Variants in RUVBL2 observed in about 807,000 individuals in gnomAD.
RUVBL2 encodes the protein ruvB-like 2.
RUVBL2 carries 9 observed loss-of-function variants against 57.9 expected under a neutral mutation model. The ratio of observed to expected loss-of-function variants is 0.16; its 90% CI spans 0.09 to 0.27. The LOEUF is 0.27. Ranked by LOEUF, RUVBL2 falls within the 10% of genes least tolerant of loss-of-function variation. The pLI is 1.00. For missense variants in RUVBL2, 456 were observed against 669.6 expected, an observed-to-expected ratio of 0.68 and a Z score of 3.52; for synonymous variants, 278 against 264.6, an observed-to-expected ratio of 1.05 and a Z score of -0.49.
intron 3 of RUVBL2, among the ~76,000 whole-genome samples, chr19:49,004,005 A>G (rs2039233720): frequency 6.6e-6 from 1 of 150,410 alleles, no homozygotes; most frequent in African/African-American, 2.5e-5. Context: ...GGTCCCAGCT[A>G]CTCAAGAGGC....
chr19:48,996,692 A>AT (rs1395060133), intron 1 of RUVBL2, among the ~76,000 whole-genome samples: 1 of 152,022 alleles, frequency 6.6e-6, no homozygotes, highest in East Asian at 1.9e-4. Flanking sequence ...CGCCTGGCTA[A>AT]TTTTTTGTAT....
At chr19:49,006,928 G>A in intron 4 of RUVBL2, 90 bp from the exon 5 acceptor site, 2 of 1,536,904 alleles carry the variant, frequency 1.3e-6, no homozygotes, top group Non-Finnish European at 1.8e-6. Flanking sequence ...CCTCTTTCCT[G>A]GGGTGGGAGA....
chr19:49,015,560 C>A lies in RUVBL2; in HGVS notation c.1252-12C>A. 1 of 1,603,980 alleles carries A rather than the reference C, an allele frequency of 6.2e-7. No homozygotes were observed. ...AGAGGGGCCCAACTGAGGACTCGCCCTCCCCCTCCAGGGTACAGAAGTGCA... is the reference window on the plus strand; with the variant it reads ...AGAGGGGCCCAACTGAGGACTCGCCATCCCCCTCCAGGGTACAGAAGTGCA... On this transcript the variant is annotated splice_polypyrimidine_tract_variant and intron_variant, in intron 13 of 14. Transcript: ENST00000595090.
intron 12 of RUVBL2, 117 bp from the exon 13 acceptor site, chr19:49,014,903 TA>T: frequency 1.4e-6 from 2 of 1,380,490 alleles, no homozygotes; most frequent in Non-Finnish European, 2.0e-6. Context: ...TCTATGGTTC[TA>T]AGATGCAGGC....
Position 49,011,918 on chromosome 19 carries a change from G to A in RUVBL2, c.1001+608G>A, listed in dbSNP as rs35043430. ...TGCTGTGCTGAAGCCTGGGAACCTCGTCTCCCAGGTGTTGCCAGCACCCTG... is the reference window on the plus strand; with the variant it reads ...TGCTGTGCTGAAGCCTGGGAACCTCATCTCCCAGGTGTTGCCAGCACCCTG... On this transcript the variant is annotated intron_variant, in intron 11 of 14. Coordinates refer to ENST00000595090, the MANE Select transcript of RUVBL2 (RefSeq NM_006666.3). The surrounding 1 kb of genome is among the most constrained non-coding windows in gnomAD (Gnocchi z 4.4). Among the ~76,000 whole-genome samples the A allele has an allele frequency of 2.0e-5, 3 of 151,408 alleles. No homozygotes were observed. Among genetic ancestry groups the A allele is most frequent in the Non-Finnish European group, 2.9e-5 (2 of 67,800 alleles).
upstream of RUVBL2, chr19:48,993,552 C>A (rs561202880): frequency 1.7e-5 from 8 of 460,470 alleles, no homozygotes; most frequent in Non-Finnish European, 3.2e-5. Context: ...GAGCTGGAGG[C>A]CTCAAAGTGG....
chr19:49,010,722 T>G, intron 9 of RUVBL2, 111 bp downstream of exon 9: 1 of 1,459,460 alleles, frequency 6.9e-7, no homozygotes. Context: ...CCACGCTGTT[T>G]CCTGTAACTC....
At chr19:49,003,391 G>A (rs1230916852) in intron 3 of RUVBL2, 57 bp downstream of exon 3, 2 of 1,491,552 alleles carry the variant, frequency 1.3e-6, no homozygotes, top group Non-Finnish European at 1.9e-6. Context: ...TGGGTAGTGG[G>A]TACCCAGGGT....
chr19:49,015,690 A>T lies in RUVBL2; in HGVS notation c.1366+4A>T, dbSNP rs770066736. On this transcript the variant is annotated splice_donor_region_variant and intron_variant, in intron 14 of 14. Coordinates refer to ENST00000595090, the MANE Select transcript of RUVBL2 (RefSeq NM_006666.3). ...GCCTTCCTCTTCAACGAACTCAGTA[A>T]GAATCCCCACCCCGCACCTGCACTG... The T allele has an allele frequency of 6.2e-7, 1 of 1,613,238 alleles. No individual in the cohort carries two copies. Among genetic ancestry groups the T allele is most frequent in the South Asian group, 1.1e-5 (1 of 91,078 alleles).
chr19:49,004,475 T>C (rs1489122259), intron 4 of RUVBL2, 57 bp downstream of exon 4: 3 of 1,540,602 alleles, frequency 1.9e-6, no homozygotes, highest in Non-Finnish European at 2.6e-6. Context: ...ACTCCTCCTG[T>C]GTAAGTCAGG....
At chr19:49,012,843 C>CCATACACACACACACA (rs2039457710) in intron 11 of RUVBL2, among the ~76,000 whole-genome samples, 1 of 141,804 alleles carries the variant, frequency 7.1e-6, no homozygotes, top group African/African-American at 2.6e-5. Context: ...TCAGTGCCCA[C>CCATACACACACACACA]CACACACACA....
At position 49,010,468 on chromosome 19, in the gene RUVBL2, C is replaced by CGCG; in HGVS notation, c.664-20_664-19insGCG. 2.5e-6 allele frequency: 2 copies of CGCG among 807,066 alleles called. No homozygotes were observed. Among genetic ancestry groups the CGCG allele is most frequent in the Non-Finnish European group, 3.9e-6 (2 of 508,784 alleles). 50.0% of individuals were successfully genotyped at this position (807,066 alleles called of 1,614,324 possible). A position where few individuals can be genotyped will look rare whatever the true frequency, so the allele number is the denominator to read the frequency against. On this transcript the variant is annotated intron_variant, in intron 8 of 14. Coordinates refer to ENST00000595090, the MANE Select transcript of RUVBL2 (RefSeq NM_006666.3). ...TCCCTGCCCTGTCTCCGCCGTTCTT[C>CGCG]CCCCACCCCCGCCCCATAGACCAAG...
Position 49,010,739 on chromosome 19 carries a change from G to A in RUVBL2, c.787+128G>A, listed in dbSNP as rs545009515. ...ACGCTGTTTCCTGTAACTCCGGCCCGTGGCTGCCTCTGTTCTCCACCTGCA... is the reference window on the plus strand; with the variant it reads ...ACGCTGTTTCCTGTAACTCCGGCCCATGGCTGCCTCTGTTCTCCACCTGCA... On this transcript the variant is annotated intron_variant, in intron 9 of 14. Coordinates refer to ENST00000595090, the MANE Select transcript of RUVBL2 (RefSeq NM_006666.3). The A allele has an allele frequency of 4.8e-4, 656 of 1,369,574 alleles. 2 individuals are homozygous for A. Among genetic ancestry groups the A allele is most frequent in the South Asian group, 3.5e-3 (257 of 73,850 alleles). The allele number at this position is 1,369,574 out of a possible 1,614,324, so 84.8% of individuals were successfully genotyped here. A position where few individuals can be genotyped will look rare whatever the true frequency, so the allele number is the denominator to read the frequency against.
chr19:49,010,624 C>G lies in RUVBL2; in HGVS notation c.787+13C>G, dbSNP rs1287642833. ...GCGCTCTTCTCAGGTGAGGCCCCTC[C>G]TGCCCTGCCCTGCCCTGCCCTGCCC... On this transcript the variant is annotated intron_variant, in intron 9 of 14. Coordinates refer to ENST00000595090, the MANE Select transcript of RUVBL2 (RefSeq NM_006666.3). 1 of 1,607,958 alleles carries G rather than the reference C, an allele frequency of 6.2e-7. No homozygotes were observed. The highest frequency in any genetic ancestry group is 8.5e-7 in the Non-Finnish European group (1 of 1,178,122).
intron 1 of RUVBL2, among the ~76,000 whole-genome samples, chr19:48,997,826 G>A (rs2039093260): frequency 6.6e-6 from 1 of 152,062 alleles, no homozygotes; most frequent in Non-Finnish European, 1.5e-5. Flanking sequence ...CTCTGGGGGG[G>A]TCCTGAATTG....
chr19:49,011,252 G>T lies in RUVBL2; in HGVS notation c.943G>T (p.Ala315Ser). The change falls in exon 11 of 15, where the codon GCC (alanine) becomes TCC (serine). Residue 315 changes from alanine to serine, a missense_variant. Around this residue, in one of 5 missense-constraint regions of RUVBL2, gnomAD observed 130 missense variants for 243.0 expected, o/e 0.53. Coordinates refer to ENST00000595090, the MANE Select transcript of RUVBL2 (RefSeq NM_006666.3). This position sits in a 1 kb window ranked among gnomAD's most constrained non-coding sequence, Gnocchi z 4.4. ...DIESFSFLNR[A>S]LESDMAPVLI... ...CGAGAGCTTCTCCTTCCTCAACCGG[G>T]CCCTGGAGAGTGACATGGCGCCTGT... 1 of 1,613,986 alleles carries T rather than the reference G, an allele frequency of 6.2e-7. No homozygotes were observed. Among genetic ancestry groups the T allele is most frequent in the Non-Finnish European group, 8.5e-7 (1 of 1,180,036 alleles).
intron 13 of RUVBL2, 77 bp downstream of exon 13, chr19:49,015,227 C>T (rs753307): frequency 0.49 from 756,650 of 1,549,206 alleles, 187,036 homozygotes; most frequent in Admixed American, 0.61. Context: ...TCCAGGGTTC[C>T]GATTTCATCC....
Position 49,011,410 on chromosome 19 carries a change from G to A in RUVBL2, c.1001+100G>A. 5 of 942,340 alleles carry A rather than the reference G, an allele frequency of 5.3e-6. 1 individual carries two copies. In the South Asian group the frequency reaches 5.5e-5, roughly 10 times the overall value. 58.4% of individuals were successfully genotyped at this position (942,340 alleles called of 1,614,324 possible). A position where few individuals can be genotyped will look rare whatever the true frequency, so the allele number is the denominator to read the frequency against. On this transcript the variant is annotated intron_variant, in intron 11 of 14. Coordinates refer to ENST00000595090, the MANE Select transcript of RUVBL2 (RefSeq NM_006666.3). This position sits in a 1 kb window ranked among gnomAD's most constrained non-coding sequence, Gnocchi z 4.4. ...GCCTGTGTTGACACCGGGTCAGGGA[G>A]GGACGCGTGACTGCAGTGTGCGCTC...
At position 49,015,802 on chromosome 19, in the gene RUVBL2, T is replaced by G. The variant is rs760365712; in HGVS notation, c.1367-15T>G. On this transcript the variant is annotated splice_polypyrimidine_tract_variant and intron_variant, in intron 14 of 14. Transcript: ENST00000595090. Reference sequence around the variant, plus strand: ...CTGGGCGACACTGACCATGTGGCCTTCCTTCTCCCCACAGAAGGCGAGACC... The same window carrying G: ...CTGGGCGACACTGACCATGTGGCCTGCCTTCTCCCCACAGAAGGCGAGACC... 3 of 1,614,024 alleles carry G rather than the reference T, an allele frequency of 1.9e-6. No homozygotes were observed. Among genetic ancestry groups the G allele is most frequent in the Non-Finnish European group, 1.7e-6 (2 of 1,179,938 alleles).
Sources: allele counts gnomAD v4.1 joint callset (sites outside exome capture counted in the v4.1 genomes callset), GRCh38; gene constraint gnomAD v4.1.1; regional missense constraint gnomAD v4.1.1; non-coding constraint Gnocchi (gnomAD v3.1); transcripts MANE v1.5; gene names NCBI Gene and HGNC (gene_info 2026-07-23, HGNC 2026-07-21).